The following NRG1 variants were observed in gnomAD, a reference collection of about 807,000 sequenced individuals.
NRG1 encodes the protein neuregulin 1.
NRG1 carries 18 observed loss-of-function variants against 63.8 expected under a neutral mutation model. The observed-to-expected ratio is 0.28, with a 90% CI of 0.19 to 0.42. The LOEUF is 0.42. Ranked by LOEUF, NRG1 falls within the 10% of genes least tolerant of loss-of-function variation. The pLI is 1.00. For missense variants in NRG1, 762 were observed against 814.7 expected (o/e 0.94, Z 0.79); for synonymous variants, 302 against 301.3 (o/e 1.00, Z -0.02).
intron 5 of NRG1, among the ~76,000 whole-genome samples, chr8:32,643,796 C>T (rs1852907363): frequency 6.6e-6 from 1 of 152,120 alleles, no homozygotes; most frequent in Non-Finnish European, 1.5e-5. Context: ...AATTATTAGG[C>T]AAAATTGTAG....
intron 1 of NRG1, among the ~76,000 whole-genome samples, chr8:32,421,286 G>A (rs988764085): frequency 6.6e-6 from 1 of 152,078 alleles, no homozygotes; most frequent in Non-Finnish European, 1.5e-5. Flanking sequence ...CAAGAAGTAG[G>A]GTAGGGAAGG....
intron 3 of NRG1, among the ~76,000 whole-genome samples, chr8:32,607,685 CT>C (rs1301151423): frequency 1.3e-5 from 2 of 152,192 alleles, no homozygotes; most frequent in South Asian, 2.1e-4. Context: ...TCACTGAAGT[CT>C]TGGTCTAGTG....
intron 5 of NRG1, among the ~76,000 whole-genome samples, chr8:32,702,954 G>A (rs1815348641): frequency 6.6e-6 from 1 of 152,098 alleles, no homozygotes; most frequent in Non-Finnish European, 1.5e-5. Context: ...AATAATACAG[G>A]CAAGCATAAA....
At chr8:31,771,052 C>T (rs1399170111) in intron 1 of NRG1, among the ~76,000 whole-genome samples, 1 of 152,048 alleles carries the variant, frequency 6.6e-6, no homozygotes, top group African/African-American at 2.4e-5. Context: ...TTCACTGAAA[C>T]TTTATCACAT....
chr8:31,857,091 G>A (rs1157698081), intron 1 of NRG1, among the ~76,000 whole-genome samples: 1 of 152,226 alleles, frequency 6.6e-6, no homozygotes, highest in Non-Finnish European at 1.5e-5. Flanking sequence ...GCCCCCAGAG[G>A]TGGAGCCTAC....
intron 5 of NRG1, among the ~76,000 whole-genome samples, chr8:32,701,993 T>C (rs996911551): frequency 6.6e-6 from 1 of 152,212 alleles, no homozygotes; most frequent in Non-Finnish European, 1.5e-5. Context: ...TTTTCCCTTT[T>C]CCTAGTAATC....
At chr8:32,565,914 C>A (rs1159097940) in intron 1 of NRG1, among the ~76,000 whole-genome samples, 1 of 152,108 alleles carries the variant, frequency 6.6e-6, no homozygotes. Context: ...ACATTCCTGC[C>A]GAGAAGGTAA....
At chr8:31,837,422 G>A (rs1327496615) in intron 1 of NRG1, among the ~76,000 whole-genome samples, 1 of 151,884 alleles carries the variant, frequency 6.6e-6, no homozygotes, top group Admixed American at 6.6e-5. Flanking sequence ...ACCATGTGAT[G>A]TCCTAATACA....
intron 2 of NRG1, among the ~76,000 whole-genome samples, chr8:32,599,144 C>A (rs1263000676): frequency 1.3e-5 from 2 of 151,906 alleles, no homozygotes; most frequent in Non-Finnish European, 2.9e-5. Flanking sequence ...TTAAAAGATT[C>A]TTATTTTTCA....
At chr8:31,762,018 T>C (rs1817613514) in intron 1 of NRG1, among the ~76,000 whole-genome samples, 1 of 152,200 alleles carries the variant, frequency 6.6e-6, no homozygotes, top group Admixed American at 6.5e-5. Context: ...TCTTTGACAA[T>C]TTTTTTGTAT....
chr8:31,795,271 C>A (rs919572595), intron 1 of NRG1, among the ~76,000 whole-genome samples: 1 of 152,122 alleles, frequency 6.6e-6, no homozygotes, highest in Non-Finnish European at 1.5e-5. Flanking sequence ...GTCCCCTAAT[C>A]GAGACAGACA....
intron 1 of NRG1, among the ~76,000 whole-genome samples, chr8:31,826,616 C>T (rs756478488): frequency 1.3e-5 from 2 of 151,424 alleles, no homozygotes; most frequent in Non-Finnish European, 3.0e-5. Flanking sequence ...ACTTTACTAC[C>T]TATCCTCCTC....
chr8:31,651,069 GTGT>G (rs1346228004), intron 1 of NRG1, among the ~76,000 whole-genome samples: 1 of 152,068 alleles, frequency 6.6e-6, no homozygotes, highest in Non-Finnish European at 1.5e-5. Context: ...CTCTTATTTA[GTGT>G]TGTTCTCAGG....
intron 1 of NRG1, among the ~76,000 whole-genome samples, chr8:31,959,992 G>C (rs1805179486): frequency 6.6e-6 from 1 of 151,950 alleles, no homozygotes; most frequent in Non-Finnish European, 1.5e-5. Flanking sequence ...TGCAGTAACT[G>C]AGTTTTGTGA....
At chr8:31,667,354 C>T (rs1806657941) in intron 1 of NRG1, among the ~76,000 whole-genome samples, 1 of 152,114 alleles carries the variant, frequency 6.6e-6, no homozygotes, top group African/African-American at 2.4e-5. Context: ...GTTCATTTAT[C>T]AATTCATTAT....
chr8:31,982,332 T>C (rs1195713253), intron 1 of NRG1, among the ~76,000 whole-genome samples: 1 of 152,102 alleles, frequency 6.6e-6, no homozygotes, highest in East Asian at 1.9e-4. Context: ...TCATTCTTGC[T>C]ATAATGTATG....
intron 1 of NRG1, among the ~76,000 whole-genome samples, chr8:32,006,136 G>C (rs1371113551): frequency 6.6e-6 from 1 of 151,858 alleles, no homozygotes; most frequent in African/African-American, 2.4e-5. Flanking sequence ...CACTTGAATG[G>C]GTCATATTTC....
intron 1 of NRG1, among the ~76,000 whole-genome samples, chr8:31,769,674 A>G (rs1398999997): frequency 3.9e-5 from 6 of 152,144 alleles, no homozygotes; most frequent in African/African-American, 1.4e-4. Flanking sequence ...CCAACTTGTG[A>G]ATTACTAAGG....
At chr8:32,491,574 C>A (rs181235523) in intron 1 of NRG1, among the ~76,000 whole-genome samples, 1 of 152,162 alleles carries the variant, frequency 6.6e-6, no homozygotes, top group African/African-American at 2.4e-5. Context: ...TTATTGGATA[C>A]GTACCAGGTA....
Sources: allele counts gnomAD v4.1 joint callset (sites outside exome capture counted in the v4.1 genomes callset), GRCh38; gene constraint gnomAD v4.1.1; transcripts MANE v1.5; gene names NCBI Gene and HGNC (gene_info 2026-07-23, HGNC 2026-07-21).